Variants in DOCK4 observed in about 807,000 individuals in gnomAD.
The protein encoded by DOCK4 is dedicator of cytokinesis 4, also known as dedicator of cytokinesis protein 4.
DOCK4 carries 97 observed loss-of-function variants against 268.1 expected under a neutral mutation model. That is an observed-to-expected ratio of 0.36 (90% CI 0.31 to 0.43). DOCK4 has a LOEUF of 0.43. Ranked by LOEUF, DOCK4 falls within the 20% of genes least tolerant of loss-of-function variation. DOCK4 has a pLI of 1.00. For missense variants in DOCK4, 2,145 were observed against 2,455.7 expected (o/e 0.87, Z 2.67); for synonymous variants, 954 against 887.2 (o/e 1.08, Z -1.34).
Position 111,728,442 on chromosome 7 carries a change from CCG to C in DOCK4, c.5758_5759del (p.Arg1920AlafsTer40). 6.3e-7 allele frequency: 1 copy of C among 1,599,110 alleles called. No individual in the cohort carries two copies. The highest frequency in any genetic ancestry group is 8.5e-7 in the Non-Finnish European group (1 of 1,171,950). On this transcript the variant is annotated frameshift_variant, in exon 53 of 53. Coordinates refer to ENST00000428084, the MANE Select transcript of DOCK4 (RefSeq NM_001363540.2). LOFTEE classifies it high-confidence loss of function. ...PPYSVYERTL[R>X]RPVPLPHSLS... ...GGCTGTGAGGTAGCGGGACGGGGCG[CCG>C]CAGAGTCCGCTCGTAGACGCTGTAC...
At chr7:111,750,680 T>TG (rs765136177) in intron 42 of DOCK4, among the ~76,000 whole-genome samples, 84 of 152,314 alleles carry the variant, frequency 5.5e-4, no homozygotes, top group Admixed American at 4.4e-3. Context: ...AGCTTGATGC[T>TG]GGGAGGGGTC....
intron 39 of DOCK4, among the ~76,000 whole-genome samples, chr7:111,762,377 T>C (rs1456391777): frequency 6.6e-6 from 1 of 152,222 alleles, no homozygotes. Context: ...ACTTCCTATT[T>C]TTCTCTTCCT....
intron 47 of DOCK4, 36 bp downstream of exon 47, chr7:111,741,058 G>A (rs757273108): frequency 1.9e-6 from 3 of 1,611,088 alleles, no homozygotes; most frequent in Non-Finnish European, 2.5e-6. Context: ...GACAGAAAAG[G>A]AATAAACACA....
rs17158940 is a variant in DOCK4 at position 111,875,256 on chromosome 7, A to G, written c.1744+1774T>C. Among the ~76,000 whole-genome samples, 772 of 152,344 alleles carry G rather than the reference A, an allele frequency of 5.1e-3. 4 individuals carry two copies. Among genetic ancestry groups the G allele is most frequent in the African/African-American group, 0.017 (715 of 41,576 alleles). ...GTGAGATGTTTAATATAATTATTTC[A>G]TAAGTTGTTTTTTACTCATATTTAC... On this transcript the variant is annotated intron_variant, in intron 17 of 52. Transcript: ENST00000428084.
intron 5 of DOCK4, among the ~76,000 whole-genome samples, chr7:111,990,650 T>A (rs1171295562): frequency 6.6e-6 from 1 of 152,172 alleles, no homozygotes; most frequent in Non-Finnish European, 1.5e-5. Flanking sequence ...TCAATATAAA[T>A]CATCTTGCTT....
intron 23 of DOCK4, among the ~76,000 whole-genome samples, chr7:111,849,840 A>G (rs1804404839): frequency 1.3e-5 from 2 of 152,116 alleles, no homozygotes; most frequent in South Asian, 4.1e-4. Context: ...AATCAATTTC[A>G]TCTTCAGAGC....
chr7:112,086,188 T>C (rs149522790), intron 1 of DOCK4, among the ~76,000 whole-genome samples: 62 of 152,194 alleles, frequency 4.1e-4, no homozygotes, highest in Non-Finnish European at 7.2e-4. Context: ...AATACATGAA[T>C]ATATAGTACG....
At chr7:111,924,344 G>A (rs1005233840) in intron 12 of DOCK4, among the ~76,000 whole-genome samples, 1 of 152,144 alleles carries the variant, frequency 6.6e-6, no homozygotes, top group East Asian at 1.9e-4. Flanking sequence ...ACTTTTTTTA[G>A]GCTATACAAC....
intron 10 of DOCK4, among the ~76,000 whole-genome samples, chr7:111,942,770 C>A (rs73207417): frequency 6.6e-6 from 1 of 152,116 alleles, no homozygotes; most frequent in Non-Finnish European, 1.5e-5. Context: ...TTAGACTGTG[C>A]GTCCAACCCT....
chr7:112,137,191 G>C (rs967390173), intron 1 of DOCK4, among the ~76,000 whole-genome samples: 2 of 152,170 alleles, frequency 1.3e-5, no homozygotes, highest in African/African-American at 2.4e-5. Context: ...TGTGATGCCT[G>C]TATGCTATAT....
chr7:112,120,926 G>A (rs1812673210), intron 1 of DOCK4, among the ~76,000 whole-genome samples: 1 of 152,172 alleles, frequency 6.6e-6, no homozygotes, highest in African/African-American at 2.4e-5. Flanking sequence ...TCATTTGACT[G>A]TAGGGGGATT....
At chr7:111,917,480 G>A (rs1397699282) in intron 12 of DOCK4, among the ~76,000 whole-genome samples, 2 of 151,860 alleles carry the variant, frequency 1.3e-5, no homozygotes, top group African/African-American at 2.4e-5. Flanking sequence ...TTGGGAGGTC[G>A]AGGCAGGCGG....
At chr7:111,862,715 C>T (rs944321793) in intron 23 of DOCK4, among the ~76,000 whole-genome samples, 4 of 151,948 alleles carry the variant, frequency 2.6e-5, no homozygotes, top group Non-Finnish European at 5.9e-5. Flanking sequence ...TGGTCTTGAA[C>T]TCCTGACCTC....
chr7:111,814,614 G>A (rs777047331), intron 27 of DOCK4, among the ~76,000 whole-genome samples: 2 of 152,206 alleles, frequency 1.3e-5, no homozygotes, highest in Non-Finnish European at 2.9e-5. Flanking sequence ...TGCTAATGCT[G>A]TTGGTTTGCA....
intron 1 of DOCK4, among the ~76,000 whole-genome samples, chr7:112,167,921 A>G (rs1376023337): frequency 6.6e-6 from 1 of 152,170 alleles, no homozygotes; most frequent in Non-Finnish European, 1.5e-5. Context: ...CTAAATAACA[A>G]TTGTCTACAA....
intron 1 of DOCK4, among the ~76,000 whole-genome samples, chr7:112,162,195 G>A (rs1476868393): frequency 6.6e-6 from 1 of 152,152 alleles, no homozygotes; most frequent in Non-Finnish European, 1.5e-5. Context: ...CTCTGGAGGA[G>A]TGGTTTCCTG....
intron 13 of DOCK4, 28 bp from the exon 14 acceptor site, chr7:111,901,829 G>GTT (rs764027820): frequency 1.7e-5 from 25 of 1,469,786 alleles, no homozygotes; most frequent in Non-Finnish European, 2.2e-5. Flanking sequence ...TTAAAACCAT[G>GTT]TTATATATAT....
At chr7:111,925,455 A>G (rs1029252082) in intron 12 of DOCK4, among the ~76,000 whole-genome samples, 1 of 152,214 alleles carries the variant, frequency 6.6e-6, no homozygotes, top group Non-Finnish European at 1.5e-5. Context: ...AGACAATACT[A>G]TCGGAAAATG....
chr7:111,758,850 G>C, intron 40 of DOCK4, 60 bp from the exon 41 acceptor site: 1 of 1,531,354 alleles, frequency 6.5e-7, no homozygotes, highest in Non-Finnish European at 9.0e-7. Flanking sequence ...AGTCTGGCTT[G>C]GGCTGAGCTA....
Sources: allele counts gnomAD v4.1 joint callset (sites outside exome capture counted in the v4.1 genomes callset), GRCh38; gene constraint gnomAD v4.1.1; transcripts MANE v1.5; gene names NCBI Gene and HGNC (gene_info 2026-07-23, HGNC 2026-07-21).